NKAIN3: variants seen among roughly 807,000 people sequenced by gnomAD.
NKAIN3 encodes the protein sodium/potassium-transporting ATPase subunit beta-1-interacting protein 3.
In NKAIN3, 25 loss-of-function variants were observed where a neutral mutation model predicts 30.2. That is an observed-to-expected ratio of 0.83 (90% confidence interval 0.60 to 1.16). NKAIN3 has a LOEUF of 1.16. NKAIN3 is among the 50% of genes most tolerant of loss of function. The probability of loss-of-function intolerance (pLI) is 0.00; values close to 1 mark genes in which losing one functional copy is unlikely to be tolerated. For synonymous variants in NKAIN3, 91 were observed against 89.6 expected (o/e 1.02, Z -0.09); for missense variants, 225 against 254.1 (o/e 0.89, Z 0.78).
intron 1 of NKAIN3, among the ~76,000 whole-genome samples, chr8:62,251,439 G>A (rs1812101035): frequency 6.6e-6 from 1 of 151,960 alleles, no homozygotes; most frequent in Admixed American, 6.6e-5. Flanking sequence ...GAATCTTTTT[G>A]CTGAGTTTGA....
At chr8:62,317,993 G>A (rs373117089) in intron 1 of NKAIN3, among the ~76,000 whole-genome samples, 9 of 152,038 alleles carry the variant, frequency 5.9e-5, no homozygotes, top group South Asian at 2.1e-4. Context: ...GGTCCTTCAC[G>A]TCTCTTGTAA....
At chr8:62,409,866 C>T in intron 1 of NKAIN3, among the ~76,000 whole-genome samples, 1 of 151,498 alleles carries the variant, frequency 6.6e-6, no homozygotes, top group Non-Finnish European at 1.5e-5. Flanking sequence ...GGTTCACTAC[C>T]TTATAGTCCT....
chr8:62,441,009 C>G (rs1293230054), intron 1 of NKAIN3, among the ~76,000 whole-genome samples: 1 of 152,168 alleles, frequency 6.6e-6, no homozygotes, highest in Non-Finnish European at 1.5e-5. Context: ...AAGGCTTCAT[C>G]TGGTGCTACT....
At chr8:62,286,401 GA>G (rs1196049694) in intron 1 of NKAIN3, among the ~76,000 whole-genome samples, 2 of 151,760 alleles carry the variant, frequency 1.3e-5, no homozygotes, top group African/African-American at 4.8e-5. Context: ...TTTTTTAAAT[GA>G]ACAGTGCTCA....
chr8:62,315,239 G>T (rs899880445), intron 1 of NKAIN3, among the ~76,000 whole-genome samples: 79 of 152,236 alleles, frequency 5.2e-4, no homozygotes, highest in African/African-American at 1.8e-3. Context: ...TTCATAGAAG[G>T]CTCTTATATA....
chr8:62,276,097 C>T (rs1025245325), intron 1 of NKAIN3, among the ~76,000 whole-genome samples: 29 of 151,688 alleles, frequency 1.9e-4, no homozygotes, highest in African/African-American at 6.8e-4. Flanking sequence ...ACAGAGTCTC[C>T]CTCTGTCACC....
intron 5 of NKAIN3, among the ~76,000 whole-genome samples, chr8:62,921,192 G>A (rs1822265461): frequency 6.6e-6 from 1 of 151,978 alleles, no homozygotes; most frequent in Admixed American, 6.6e-5. Context: ...AAACAATACT[G>A]GTATCTTTCC....
intron 5 of NKAIN3, among the ~76,000 whole-genome samples, chr8:62,920,811 T>G (rs564799621): frequency 6.6e-6 from 1 of 152,302 alleles, no homozygotes; most frequent in South Asian, 2.1e-4. Flanking sequence ...GAAACTTGGG[T>G]GCTCAAAGCA....
At position 62,342,445 on chromosome 8, in the gene NKAIN3, G is replaced by A. The variant is rs1815780975; in HGVS notation, c.54+93318G>A. Among the ~76,000 whole-genome samples, 3 of 152,146 alleles carry A rather than the reference G, an allele frequency of 2.0e-5. 1 individual carries two copies. In the South Asian group the frequency reaches 6.2e-4, roughly 32 times the overall value. On this transcript the variant is annotated intron_variant, in intron 1 of 6. Coordinates refer to ENST00000623646, the MANE Select transcript of NKAIN3 (RefSeq NM_001304533.3). ...TTTGAATACAGATTATATGTACAAAGACCAATGCAATAGAAACCTTTTAAA... is the reference window on the plus strand; with the variant it reads ...TTTGAATACAGATTATATGTACAAAAACCAATGCAATAGAAACCTTTTAAA...
At chr8:62,728,613 G>A (rs1410077831) in intron 3 of NKAIN3, among the ~76,000 whole-genome samples, 16 of 151,920 alleles carry the variant, frequency 1.1e-4, no homozygotes, top group East Asian at 7.8e-4. Flanking sequence ...TGCCTTGAGC[G>A]GAGATCGCGC....
chr8:62,302,851 G>A (rs1814097809), intron 1 of NKAIN3, among the ~76,000 whole-genome samples: 1 of 142,088 alleles, frequency 7.0e-6, no homozygotes, highest in South Asian at 2.1e-4. Context: ...AAGATTCACA[G>A]TTTGTTTTCT....
At chr8:62,253,275 T>C (rs1812166562) in intron 1 of NKAIN3, among the ~76,000 whole-genome samples, 1 of 152,236 alleles carries the variant, frequency 6.6e-6, no homozygotes, top group African/African-American at 2.4e-5. Flanking sequence ...ATGTATATTT[T>C]TTATTGTAGA....
intron 2 of NKAIN3, among the ~76,000 whole-genome samples, chr8:62,583,769 C>T (rs563033105): frequency 2.6e-4 from 40 of 152,220 alleles, no homozygotes; most frequent in African/African-American, 8.9e-4. Flanking sequence ...CAGTCTTGGC[C>T]TACCTCCCAG....
At chr8:62,853,002 A>G (rs12541223) in intron 4 of NKAIN3, among the ~76,000 whole-genome samples, 15,884 of 152,124 alleles carry the variant, frequency 0.1, 877 homozygotes, top group Middle Eastern at 0.15. Context: ...CAATTCCTGA[A>G]TATCCTTGTT....
intron 4 of NKAIN3, among the ~76,000 whole-genome samples, chr8:62,800,769 T>C (rs1396281431): frequency 1.3e-5 from 2 of 152,020 alleles, no homozygotes; most frequent in Non-Finnish European, 2.9e-5. Flanking sequence ...TGGGTGCAGG[T>C]CAGTAGGTGC....
chr8:62,872,265 C>A (rs543385755), intron 4 of NKAIN3, among the ~76,000 whole-genome samples: 1 of 152,334 alleles, frequency 6.6e-6, no homozygotes, highest in South Asian at 2.1e-4. Flanking sequence ...TGTTGTTAAG[C>A]AATGCATGAC....
chr8:62,567,591 G>C (rs1397360998), intron 1 of NKAIN3, among the ~76,000 whole-genome samples: 1 of 152,134 alleles, frequency 6.6e-6, no homozygotes, highest in Non-Finnish European at 1.5e-5. Flanking sequence ...GAAGGAGACA[G>C]GTGAGAAGGA....
chr8:62,974,644 A>G lies in NKAIN3; in HGVS notation c.*9237A>G, dbSNP rs1377116630. ...TGACTTTCTCTCTTCCTATTCGAAT[A>G]CGCTTTATTTCATTCTCTTGCCTGT... On this transcript the variant is annotated 3_prime_UTR_variant, in exon 7 of 7. Coordinates refer to ENST00000623646, the MANE Select transcript of NKAIN3 (RefSeq NM_001304533.3). Among the ~76,000 whole-genome samples the G allele has an allele frequency of 1.3e-5, 2 of 152,178 alleles. No individual in the cohort carries two copies. The highest frequency in any genetic ancestry group is 2.9e-5 in the Non-Finnish European group (2 of 68,036).
intron 3 of NKAIN3, among the ~76,000 whole-genome samples, chr8:62,715,088 G>GGA (rs558334049): frequency 3.3e-5 from 5 of 151,998 alleles, no homozygotes; most frequent in African/African-American, 1.2e-4. Flanking sequence ...TGGCAGCAGA[G>GGA]GAGAGAGAGA....
Sources: allele counts gnomAD v4.1 joint callset (sites outside exome capture counted in the v4.1 genomes callset), GRCh38; gene constraint gnomAD v4.1.1; transcripts MANE v1.5; gene names NCBI Gene and HGNC (gene_info 2026-07-23, HGNC 2026-07-21).